The following TJP1 variants were observed in gnomAD, a reference collection of about 807,000 sequenced individuals.
TJP1 encodes tight junction protein ZO-1.
In TJP1, 43 loss-of-function variants were observed where a neutral mutation model predicts 194.2. That is an observed-to-expected ratio of 0.22 (90% CI 0.17 to 0.29). The LOEUF (loss-of-function observed/expected upper bound fraction) is 0.29. TJP1 is among the 10% of genes least tolerant of loss of function. The pLI is 1.00. For missense variants in TJP1, 1,971 were observed against 2,185.7 expected (o/e 0.90, Z 1.96); for synonymous variants, 801 against 779.0 (o/e 1.03, Z -0.47).
At chr15:29,879,823 C>T (rs1443938841) in intron 2 of TJP1, among the ~76,000 whole-genome samples, 1 of 152,150 alleles carries the variant, frequency 6.6e-6, no homozygotes, top group Non-Finnish European at 1.5e-5. Flanking sequence ...GTGATCCTCT[C>T]ACCTTAGCTT....
chr15:29,866,040 C>T (rs1464920116), intron 2 of TJP1, among the ~76,000 whole-genome samples: 1 of 152,174 alleles, frequency 6.6e-6, no homozygotes, highest in Non-Finnish European at 1.5e-5. Flanking sequence ...ATCTTGGGCA[C>T]TTGGAAGAAA....
intron 22 of TJP1, 51 bp from the exon 23 acceptor site, chr15:29,716,889 T>C: frequency 6.9e-7 from 1 of 1,457,768 alleles, no homozygotes; most frequent in Non-Finnish European, 9.4e-7. Context: ...ATTAATGTTA[T>C]GAAGGAAGTA....
At chr15:29,855,128 A>G (rs1224509923) in intron 2 of TJP1, among the ~76,000 whole-genome samples, 2 of 151,972 alleles carry the variant, frequency 1.3e-5, no homozygotes, top group Non-Finnish European at 2.9e-5. Flanking sequence ...TATGAAACAT[A>G]GTTTCAAGAA....
intron 2 of TJP1, among the ~76,000 whole-genome samples, chr15:29,864,500 A>C (rs1180492853): frequency 6.6e-6 from 1 of 152,172 alleles, no homozygotes; most frequent in African/African-American, 2.4e-5. Flanking sequence ...GCAGGGGCTT[A>C]TTGAGAATTG....
intron 24 of TJP1, among the ~76,000 whole-genome samples, chr15:29,709,546 G>C (rs1414603495): frequency 1.3e-5 from 2 of 152,098 alleles, no homozygotes; most frequent in Non-Finnish European, 2.9e-5. Context: ...GACACTACAA[G>C]ACAGGAGAAT....
At chr15:29,765,735 T>TA (rs900699831) in intron 5 of TJP1, among the ~76,000 whole-genome samples, 1 of 151,830 alleles carries the variant, frequency 6.6e-6, no homozygotes, top group Non-Finnish European at 1.5e-5. Flanking sequence ...CTACCCAAAA[T>TA]AAAAAAATTA....
chr15:29,711,888 T>TA (rs1485782643), intron 23 of TJP1, among the ~76,000 whole-genome samples: 1 of 152,180 alleles, frequency 6.6e-6, no homozygotes, highest in African/African-American at 2.4e-5. Flanking sequence ...TCAGTAAAAC[T>TA]AAAAAAACTG....
chr15:29,892,042 C>G (rs8023361), intron 2 of TJP1, among the ~76,000 whole-genome samples: 2,176 of 152,322 alleles, frequency 0.014, 47 homozygotes, highest in African/African-American at 0.05. Context: ...AACAGTTAAG[C>G]TATGAATGCA....
chr15:29,766,288 C>A lies in TJP1; in HGVS notation c.567G>T (p.Leu189=). ...TACCTTCATTTTTCCGGGATTTCAC[C>A]AGTGTGACTTTAGTAGGTTTAGCAG... ...SQPAKPTKVT[L]VKSRKNEEYG... is the part of the protein sequence containing the mutation. Residue 189 remains leucine, a synonymous_variant, in exon 5 of 28, where the codon CTG becomes CTT. Transcript: ENST00000614355. 6.2e-7 allele frequency: 1 copy of A among 1,611,202 alleles called. No individual in the cohort carries two copies. Among genetic ancestry groups the A allele is most frequent in the Non-Finnish European group, 8.5e-7 (1 of 1,179,296 alleles).
intron 15 of TJP1, 28 bp downstream of exon 15, chr15:29,732,405 C>A (rs2043724605): frequency 6.3e-7 from 1 of 1,596,824 alleles, no homozygotes; most frequent in South Asian, 1.1e-5. Context: ...CTCCCAACCT[C>A]ATTTAAGTTA....
intron 22 of TJP1, among the ~76,000 whole-genome samples, chr15:29,717,755 A>T (rs760307935): frequency 2.6e-5 from 4 of 152,230 alleles, no homozygotes; most frequent in African/African-American, 4.8e-5. Context: ...GTCAGAGCTT[A>T]AAAATGTTTA....
At position 29,729,755 on chromosome 15, in the gene TJP1, A is replaced by T. The variant is rs951611026; in HGVS notation, c.2018-1736T>A. Among the ~76,000 whole-genome samples, 89 of 151,186 alleles carry T rather than the reference A, an allele frequency of 5.9e-4. 1 individual carries two copies. The highest frequency in any genetic ancestry group is 3.4e-3 in the Middle Eastern group (1 of 290). ...GAATGGCATGAACCCAGGAGGTGAA[A>T]CTTGGAGCCTGGATCTGAGATCGTG... On this transcript the variant is annotated intron_variant, in intron 15 of 27. Transcript: ENST00000614355.
Position 29,700,320 on chromosome 15 carries a change from T to C in TJP1, c.*1275A>G, listed in dbSNP as rs1445786689. On this transcript the variant is annotated 3_prime_UTR_variant, in exon 28 of 28. Transcript: ENST00000614355. ...TGTCTATTAGTAAAAAAATACACTT[T>C]AGGGCACAGCATTGTATCACAAATT... 2.5e-6 allele frequency: 1 copy of C among 398,838 alleles called. No homozygotes were observed. The highest frequency in any genetic ancestry group is 4.4e-5 in the Admixed American group (1 of 22,710). 24.7% of individuals were successfully genotyped at this position (398,838 alleles called of 1,614,324 possible). A position where few individuals can be genotyped will look rare whatever the true frequency, so the allele number is the denominator to read the frequency against.
intron 2 of TJP1, among the ~76,000 whole-genome samples, chr15:29,952,520 G>A (rs1417856235): frequency 6.6e-6 from 1 of 152,096 alleles, no homozygotes; most frequent in African/African-American, 2.4e-5. Context: ...GGAACCTGAG[G>A]CCTCTCAGCC....
intron 2 of TJP1, among the ~76,000 whole-genome samples, chr15:29,901,728 G>A (rs1051696724): frequency 6.6e-6 from 1 of 151,830 alleles, no homozygotes; most frequent in Non-Finnish European, 1.5e-5. Context: ...GGCTGAGGCA[G>A]GAGAATCGCT....
intron 2 of TJP1, among the ~76,000 whole-genome samples, chr15:29,890,426 C>G (rs551607412): frequency 6.6e-6 from 1 of 152,088 alleles, no homozygotes; most frequent in Non-Finnish European, 1.5e-5. Context: ...AACTTCAAGG[C>G]GCAGTGAATT....
chr15:29,719,756 G>T, intron 20 of TJP1, 21 bp downstream of exon 20: 1 of 1,598,760 alleles, frequency 6.3e-7, no homozygotes, highest in Middle Eastern at 1.7e-4. Flanking sequence ...ACAAATTAGT[G>T]CAACACCGCA....
At chr15:29,758,412 C>T (rs1347839881) in intron 8 of TJP1, among the ~76,000 whole-genome samples, 1 of 151,944 alleles carries the variant, frequency 6.6e-6, no homozygotes, top group Non-Finnish European at 1.5e-5. Context: ...CACAATATAA[C>T]ACAAAAATAG....
intron 11 of TJP1, among the ~76,000 whole-genome samples, chr15:29,736,049 T>C (rs556784090): frequency 6.6e-6 from 1 of 151,978 alleles, no homozygotes; most frequent in African/African-American, 2.4e-5. Context: ...AATAAAAAAA[T>C]GTACCAGAAT....
Sources: allele counts gnomAD v4.1 joint callset (sites outside exome capture counted in the v4.1 genomes callset), GRCh38; gene constraint gnomAD v4.1.1; transcripts MANE v1.5; gene names NCBI Gene and HGNC (gene_info 2026-07-23, HGNC 2026-07-21).